The following HERC4 variants were observed in gnomAD, a reference collection of about 807,000 sequenced individuals.
The protein encoded by HERC4 is HECT and RLD domain containing E3 ubiquitin protein ligase 4, also known as probable E3 ubiquitin-protein ligase HERC4.
A neutral mutation model predicts 124.3 loss-of-function variants in HERC4; 28 were observed. The observed-to-expected ratio is 0.23, with a 90% CI of 0.17 to 0.31. HERC4 has a LOEUF of 0.31. Among genes scored for constraint, HERC4 ranks in the 10% least tolerant of loss-of-function variants. The probability of loss-of-function intolerance (pLI) is 1.00; values close to 1 mark genes in which losing one functional copy is unlikely to be tolerated. For synonymous variants in HERC4, 407 were observed against 421.5 expected (o/e 0.97, Z 0.42); for missense variants, 713 against 1,229.3 (o/e 0.58, Z 6.28).
intron 23 of HERC4, among the ~76,000 whole-genome samples, chr10:67,932,035 G>C (rs182001649): frequency 2.0e-5 from 3 of 152,208 alleles, no homozygotes; most frequent in Non-Finnish European, 2.9e-5. Flanking sequence ...TCAGCTCACT[G>C]CAACCTCCGC....
intron 11 of HERC4, 143 bp from the exon 12 acceptor site, chr10:67,991,342 A>C (rs913993893): frequency 1.9e-5 from 8 of 429,602 alleles, no homozygotes; most frequent in Non-Finnish European, 2.5e-5. Flanking sequence ...GATGAATCAG[A>C]ATTACATAAA....
chr10:68,019,139 G>A (rs901469586), intron 8 of HERC4, among the ~76,000 whole-genome samples: 1 of 151,776 alleles, frequency 6.6e-6, no homozygotes, highest in Non-Finnish European at 1.5e-5. Context: ...TGGGATTACA[G>A]GCATGTGCCA....
Position 68,032,843 on chromosome 10 carries a change from A to C in HERC4, c.712T>G (p.Ser238Ala). ...NDRYVPNLLKSLRSQKIVYIC... is the reference protein window; with the variant it reads ...NDRYVPNLLKALRSQKIVYIC... ...TAAACTATTTTCTGAGATCTTAGTG[A>C]CTTTAGTAAATTAGGAACATACCTA... The change falls in exon 7 of 25, where the codon TCA (serine) becomes GCA (alanine). Residue 238 changes from serine to alanine, a missense_variant. Coordinates refer to ENST00000373700, the MANE Select transcript of HERC4 (RefSeq NM_015601.4). 1 of 1,563,844 alleles carries C rather than the reference A, an allele frequency of 6.4e-7. No homozygotes were observed. The highest frequency in any genetic ancestry group is 8.8e-7 in the Non-Finnish European group (1 of 1,134,444).
intron 4 of HERC4, among the ~76,000 whole-genome samples, chr10:68,043,706 C>T (rs2039882910): frequency 6.6e-6 from 1 of 152,044 alleles, no homozygotes; most frequent in Non-Finnish European, 1.5e-5. Context: ...ATCCCAGCTA[C>T]TCAGGAGGCT....
intron 8 of HERC4, among the ~76,000 whole-genome samples, chr10:68,024,788 T>A (rs1274067184): frequency 6.6e-6 from 1 of 152,068 alleles, no homozygotes; most frequent in Non-Finnish European, 1.5e-5. Flanking sequence ...TACTTGGGAG[T>A]CTGCTCAATT....
At chr10:68,065,871 C>T (rs894314947) in intron 3 of HERC4, among the ~76,000 whole-genome samples, 27 of 151,784 alleles carry the variant, frequency 1.8e-4, no homozygotes, top group African/African-American at 5.6e-4. Context: ...AACAAAACTC[C>T]AATAAAATGT....
intron 15 of HERC4, among the ~76,000 whole-genome samples, chr10:67,984,281 G>A (rs1300358757): frequency 2.1e-5 from 3 of 144,352 alleles, no homozygotes; most frequent in African/African-American, 5.3e-5. Flanking sequence ...CACCCTGGAC[G>A]ACAGAGTGAG....
rs574219209 is a variant in HERC4, at chr10:68,010,143, G to A, written c.1069+3883C>T. ...TCCCAAAAGCCCTGGCACAAACTCC[G>A]GGTTCTCTTTCCCTAGCTTCCGCCC... is the stretch of plus-strand genomic sequence containing the variant. On this transcript the variant is annotated intron_variant, in intron 9 of 24. Transcript: ENST00000373700. 1.0e-5 allele frequency: 9 copies of A among 877,666 alleles called. No individual in the cohort carries two copies. The East Asian group carries it at 1.0e-4, about 10-fold the overall frequency. The allele number at this position is 877,666 out of a possible 1,614,324, so 54.4% of individuals were successfully genotyped here.
At chr10:67,978,418 A>G (rs1193060242) in intron 15 of HERC4, among the ~76,000 whole-genome samples, 3 of 152,182 alleles carry the variant, frequency 2.0e-5, no homozygotes, top group Non-Finnish European at 2.9e-5. Context: ...GGTAAGGACT[A>G]TTTTGTGGTT....
chr10:67,971,708 T>C (rs2035246959), intron 15 of HERC4, among the ~76,000 whole-genome samples: 1 of 143,634 alleles, frequency 7.0e-6, no homozygotes, highest in African/African-American at 2.6e-5. Context: ...AGATATTGAA[T>C]GCTTTCTTTC....
In HERC4 at chr10:68,025,634, A is replaced by G; in HGVS notation, c.820T>C (p.Leu274=). The G allele has an allele frequency of 3.4e-5, 55 of 1,613,776 alleles. No homozygotes were observed. The highest frequency in any genetic ancestry group is 4.6e-5 in the Non-Finnish European group (54 of 1,179,808). Reference sequence around the variant, plus strand: ...TCATGACTGGTAGAATTATGGCCCAACTGACCATACCCTCCAGCTCCAAAA... The same window carrying G: ...TCATGACTGGTAGAATTATGGCCCAGCTGACCATACCCTCCAGCTCCAAAA... ...FTFGAGGYGQ[L]GHNSTSHEIN... Residue 274 remains leucine, a synonymous_variant, in exon 8 of 25, where the codon TTG becomes CTG. Transcript: ENST00000373700.
intron 7 of HERC4, among the ~76,000 whole-genome samples, chr10:68,030,836 G>A (rs1488591529): frequency 2.6e-5 from 4 of 152,290 alleles, no homozygotes; most frequent in Non-Finnish European, 5.9e-5. Context: ...CTTTATGGAA[G>A]TATCCTCATA....
intron 14 of HERC4, among the ~76,000 whole-genome samples, chr10:67,989,038 G>A (rs969594202): frequency 5.3e-5 from 8 of 151,822 alleles, no homozygotes; most frequent in Non-Finnish European, 1.0e-4. Flanking sequence ...TGTCCGAAAA[G>A]CTCTCAAAAG....
intron 15 of HERC4, among the ~76,000 whole-genome samples, chr10:67,972,445 C>T (rs543651319): frequency 2.1e-4 from 30 of 141,428 alleles, no homozygotes; most frequent in East Asian, 1.1e-3. Context: ...CGCTTGAATC[C>T]GGGAGGCGGA....
At chr10:68,057,502 T>C (rs2040608367) in intron 3 of HERC4, among the ~76,000 whole-genome samples, 2 of 151,248 alleles carry the variant, frequency 1.3e-5, no homozygotes, top group African/African-American at 4.9e-5. Context: ...CAGGCGCCTA[T>C]AATCCCAGCT....
intron 15 of HERC4, among the ~76,000 whole-genome samples, chr10:67,981,532 T>C (rs75065688): frequency 2.7e-4 from 41 of 152,298 alleles, no homozygotes; most frequent in Non-Finnish European, 4.9e-4. Context: ...ATAGACCAAA[T>C]GGACCAAACA....
chr10:67,974,827 T>G (rs1382202361), intron 15 of HERC4, among the ~76,000 whole-genome samples: 1 of 152,170 alleles, frequency 6.6e-6, no homozygotes, highest in Non-Finnish European at 1.5e-5. Flanking sequence ...TAGGGGACTG[T>G]CAGGCTTCAG....
chr10:68,001,539 C>G (rs1242162616), intron 9 of HERC4, among the ~76,000 whole-genome samples: 1 of 152,074 alleles, frequency 6.6e-6, no homozygotes, highest in African/African-American at 2.4e-5. Flanking sequence ...AGCTTGAGTA[C>G]AGTGCAAAAA....
chr10:67,999,495 T>C (rs1564529538), intron 9 of HERC4, among the ~76,000 whole-genome samples: 1 of 152,208 alleles, frequency 6.6e-6, no homozygotes, highest in Non-Finnish European at 1.5e-5. Flanking sequence ...TGAAACAATG[T>C]ATACATCAAA....
Sources: gnomAD v4.1 joint callset for allele counts (sites outside exome capture counted in the v4.1 genomes callset) on GRCh38, gnomAD v4.1.1 for gene constraint, MANE v1.5 for transcripts, NCBI Gene and HGNC (gene_info 2026-07-23, HGNC 2026-07-21) for gene names.